ADGRE1: variants seen among roughly 807,000 people sequenced by gnomAD.
ADGRE1 encodes adhesion G protein-coupled receptor E1.
Under a neutral mutation model 102.7 loss-of-function variants are expected in ADGRE1, and 82 were observed. The observed-to-expected ratio is 0.80, with a 90% CI of 0.67 to 0.96. The LOEUF (loss-of-function observed/expected upper bound fraction) is 0.96, where lower values mean the gene tolerates loss of function less well. Ranked by LOEUF, ADGRE1 falls within the 40% of genes least tolerant of loss-of-function variation. The pLI is 0.00. For synonymous variants in ADGRE1, 398 were observed against 399.6 expected, an observed-to-expected ratio of 1.00 and a Z score of 0.05; for missense variants, 1,032 against 1,085.3, an observed-to-expected ratio of 0.95 and a Z score of 0.69.
Position 6,940,322 on chromosome 19 carries a change from C to T in ADGRE1, c.*293C>T. On this transcript the variant is annotated 3_prime_UTR_variant, in exon 21 of 21. Transcript: ENST00000312053. ...CAATGGCATGACCAAGAACACCTGG[C>T]TACCATTTTGTTTTCTCCTGCCCTT... 2 of 517,926 alleles carry T rather than the reference C, an allele frequency of 3.9e-6. No homozygotes were observed. Among genetic ancestry groups the T allele is most frequent in the Non-Finnish European group, 3.5e-6 (1 of 288,244 alleles). The allele number at this position is 517,926 out of a possible 1,614,324, so 32.1% of individuals were successfully genotyped here.
In ADGRE1 at chr19:6,926,944, A is replaced by G. The variant is rs10409907; in HGVS notation, c.2222+343A>G. ...CATGGTGGTGTGCACCTGTAATCCC[A>G]GCTACTCGGGAGGCCGAAGCAGAAG... On this transcript the variant is annotated intron_variant, in intron 16 of 20. Coordinates refer to ENST00000312053, the MANE Select transcript of ADGRE1 (RefSeq NM_001974.5). Among the ~76,000 whole-genome samples, 311 of 152,216 alleles carry G rather than the reference A, an allele frequency of 2.0e-3. 1 individual carries two copies. Among genetic ancestry groups the G allele is most frequent in the African/African-American group, 7.3e-3 (303 of 41,506 alleles).
At chr19:6,898,483 G>A (rs371270568) in intron 5 of ADGRE1, 3 of 1,583,318 alleles carry the variant, frequency 1.9e-6, no homozygotes, top group African/African-American at 2.7e-5. Flanking sequence ...CAGGTTCCCA[G>A]GGATGGGTCT....
intron 20 of ADGRE1, among the ~76,000 whole-genome samples, chr19:6,939,780 C>G (rs887519283): frequency 3.3e-5 from 5 of 152,192 alleles, no homozygotes; most frequent in Admixed American, 3.3e-4. Flanking sequence ...TTTGAACCAA[C>G]AGCTGTTTGG....
intron 15 of ADGRE1, among the ~76,000 whole-genome samples, chr19:6,925,448 G>A (rs1452179339): frequency 6.6e-6 from 1 of 152,068 alleles, no homozygotes; most frequent in African/African-American, 2.4e-5. Flanking sequence ...TAAACCAGAG[G>A]TTCTCTCCCT....
chr19:6,933,114 A>T (rs1037224662), intron 17 of ADGRE1, among the ~76,000 whole-genome samples: 7 of 152,030 alleles, frequency 4.6e-5, no homozygotes, highest in African/African-American at 1.7e-4. Flanking sequence ...CCAGCTACTC[A>T]GGAGGCTGAG....
chr19:6,937,712 C>G (rs902285558), intron 20 of ADGRE1, 64 bp downstream of exon 20: 1 of 1,474,768 alleles, frequency 6.8e-7, no homozygotes, highest in Non-Finnish European at 9.4e-7. Context: ...TGGTGACACT[C>G]AGCTCTGCCA....
chr19:6,900,124 T>A (rs1470706992), intron 5 of ADGRE1, among the ~76,000 whole-genome samples: 1 of 151,436 alleles, frequency 6.6e-6, no homozygotes, highest in African/African-American at 2.4e-5. Context: ...TTATCTTTAA[T>A]CTTTTCTCTC....
At chr19:6,897,914 T>TTTCCTTCCTTCCTTCCTTCCTTCC (rs5826951) in intron 5 of ADGRE1, 4 of 159,106 alleles carry the variant, frequency 2.5e-5, no homozygotes, top group East Asian at 1.8e-4. Flanking sequence ...GCAAACATGA[T>TTTCCTTCCTTCCTTCCTTCCTTCC]TTCCTTCCTT....
Position 6,897,199 on chromosome 19 carries a change from T to C in ADGRE1, c.289T>C (p.Cys97Arg). 20 of 1,612,812 alleles carry C rather than the reference T, an allele frequency of 1.2e-5. No individual in the cohort carries two copies. Among genetic ancestry groups the C allele is most frequent in the Non-Finnish European group, 1.7e-5 (20 of 1,179,696 alleles). The change falls in exon 4 of 21, where the codon TGC becomes CGC. Residue 97 changes from cysteine to arginine, a missense_variant. Cys to Arg is a radical substitution (Grantham distance 180, BLOSUM62 -3). Transcript: ENST00000312053. ...SPQPCGPNSS[C>R]KNLSGRYKCS... The stretch of plus-strand genomic sequence containing the variant: ...CCAGCCCTGTGGTCCTAACTCATCC[T>C]GCAAAAACCTGTCAGGGAGGTACAA...
Position 6,901,876 on chromosome 19 carries a change from C to T in ADGRE1, c.516C>T (p.Asp172=), listed in dbSNP as rs147011666. 42 of 1,614,054 alleles carry T rather than the reference C, an allele frequency of 2.6e-5. No homozygotes were observed. Among genetic ancestry groups the T allele is most frequent in the African/African-American group, 2.3e-4 (17 of 75,032 alleles). ...GFISRNSTCE[D]VDECADPRAC... ...TGGGTTTTCTCTTCCACTCTTCAGA[C>T]GTGGATGAATGTGCAGATCCAAGAG... The change falls in exon 6 of 21, where the codon GAC becomes GAT. Residue 172 remains aspartate (D), a splice_region_variant and synonymous_variant. Coordinates refer to ENST00000312053, the MANE Select transcript of ADGRE1 (RefSeq NM_001974.5).
At chr19:6,926,678 G>GT in intron 16 of ADGRE1, 77 bp downstream of exon 16, 1 of 1,429,374 alleles carries the variant, frequency 7.0e-7, no homozygotes, top group Non-Finnish European at 9.8e-7. Context: ...AACAAGAAGA[G>GT]TAACAACAGT....
At chr19:6,908,236 G>A (rs1459176348) in intron 9 of ADGRE1, among the ~76,000 whole-genome samples, 2 of 152,134 alleles carry the variant, frequency 1.3e-5, no homozygotes, top group Non-Finnish European at 2.9e-5. Flanking sequence ...TTCCCATAAG[G>A]GATACTTTTA....
intron 14 of ADGRE1, among the ~76,000 whole-genome samples, chr19:6,922,215 G>C (rs1004791102): frequency 1.1e-4 from 17 of 152,262 alleles, no homozygotes; most frequent in African/African-American, 4.1e-4. Context: ...TGGGTAAAGT[G>C]GCCCGTCTAG....
At chr19:6,938,623 G>A (rs1473529723) in intron 20 of ADGRE1, among the ~76,000 whole-genome samples, 4 of 151,502 alleles carry the variant, frequency 2.6e-5, no homozygotes, top group Non-Finnish European at 5.9e-5. Context: ...ATAAAATGGG[G>A]ATAATGGTAA....
Position 6,903,966 on chromosome 19 carries a change from G to A in ADGRE1, c.802+16G>A. 6.2e-7 allele frequency: 1 copy of A among 1,614,140 alleles called. No individual in the cohort carries two copies. Among genetic ancestry groups the A allele is most frequent in the Non-Finnish European group, 8.5e-7 (1 of 1,180,032 alleles). Reference sequence around the variant, plus strand: ...GAATGTAGAGGTGAGCAGAGAGTTTGATGGACAATCCAGAAAAGACATTTC... The same window carrying A: ...GAATGTAGAGGTGAGCAGAGAGTTTAATGGACAATCCAGAAAAGACATTTC... On this transcript the variant is annotated intron_variant, in intron 7 of 20. Coordinates refer to ENST00000312053, the MANE Select transcript of ADGRE1 (RefSeq NM_001974.5).
At chr19:6,915,780 G>A (rs1391169296) in intron 11 of ADGRE1, among the ~76,000 whole-genome samples, 1 of 151,934 alleles carries the variant, frequency 6.6e-6, no homozygotes, top group Non-Finnish European at 1.5e-5. Flanking sequence ...AATTAGCTGG[G>A]TGTGGTGGTA....
At chr19:6,928,914 A>T (rs971627281) in intron 17 of ADGRE1, among the ~76,000 whole-genome samples, 1 of 149,340 alleles carries the variant, frequency 6.7e-6, no homozygotes, top group African/African-American at 2.5e-5. Context: ...ACTCCAGCCT[A>T]GGCAACAAGA....
chr19:6,913,967 G>A, intron 11 of ADGRE1, 137 bp downstream of exon 11: 1 of 979,680 alleles, frequency 1.0e-6, no homozygotes, highest in Non-Finnish European at 1.5e-6. Context: ...AGCAAAGCAA[G>A]TCTAATCATA....
chr19:6,896,719 G>C, intron 3 of ADGRE1, 178 bp downstream of exon 3: 1 of 673,750 alleles, frequency 1.5e-6, no homozygotes. Context: ...ATATGTGGGG[G>C]TGTTGTTACT....
Sources: gnomAD v4.1 joint callset for allele counts (sites outside exome capture counted in the v4.1 genomes callset) on GRCh38, gnomAD v4.1.1 for gene constraint, MANE v1.5 for transcripts, NCBI Gene and HGNC (gene_info 2026-07-23, HGNC 2026-07-21) for gene names.